The following CHODL variants were observed in gnomAD, a reference collection of about 807,000 sequenced individuals.
CHODL encodes the protein chondrolectin, also known as transmembrane protein MT75.
Under a neutral mutation model 34.5 loss-of-function variants are expected in CHODL, and 29 were observed. The ratio of observed to expected loss-of-function variants is 0.84; its 90% CI spans 0.63 to 1.15. The LOEUF (loss-of-function observed/expected upper bound fraction) is 1.15, where lower values mean the gene tolerates loss of function less well. CHODL is among the 50% of genes most tolerant of loss of function. The pLI, the probability that CHODL is intolerant of heterozygous loss-of-function variation, is 0.00. For missense variants in CHODL, 332 were observed against 332.5 expected, an observed-to-expected ratio of 1.00 and a Z score of 0.01; for synonymous variants, 125 against 116.1, an observed-to-expected ratio of 1.08 and a Z score of -0.49.
intron 2 of CHODL, among the ~76,000 whole-genome samples, chr21:18,051,181 T>G (rs2064510899): frequency 6.6e-6 from 1 of 151,948 alleles, no homozygotes; most frequent in Admixed American, 6.6e-5. Context: ...ATGGCGGTGT[T>G]GGGTTTTCTG....
intron 1 of CHODL, among the ~76,000 whole-genome samples, chr21:17,948,345 AAG>A (rs2063429216): frequency 6.6e-6 from 1 of 151,996 alleles, no homozygotes; most frequent in African/African-American, 2.4e-5. Flanking sequence ...TAAAAGAAGA[AAG>A]ATCTTAAATA....
At chr21:18,162,749 G>A (rs1446906788) in intron 2 of CHODL, among the ~76,000 whole-genome samples, 3 of 151,988 alleles carry the variant, frequency 2.0e-5, no homozygotes, top group African/African-American at 7.2e-5. Flanking sequence ...TCTTTGATTT[G>A]CTATTACATT....
At chr21:18,193,759 A>T (rs1055843148) in intron 2 of CHODL, among the ~76,000 whole-genome samples, 1 of 151,284 alleles carries the variant, frequency 6.6e-6, no homozygotes, top group Non-Finnish European at 1.5e-5. Flanking sequence ...AATAAACTTA[A>T]AAAAAAGTCC....
intron 2 of CHODL, chr21:18,099,873 A>G (rs2065190779): frequency 6.6e-6 from 1 of 152,152 alleles, no homozygotes; most frequent in Non-Finnish European, 1.5e-5. Flanking sequence ...TCTGAAGAAC[A>G]ATGACATGAA....
chr21:18,107,808 G>T (rs1263699948), intron 2 of CHODL, among the ~76,000 whole-genome samples: 1 of 152,146 alleles, frequency 6.6e-6, no homozygotes, highest in Non-Finnish European at 1.5e-5. Flanking sequence ...ATTAAAGGAA[G>T]AATTTTTTTA....
intron 2 of CHODL, among the ~76,000 whole-genome samples, chr21:18,226,855 T>C (rs1215198140): frequency 6.6e-6 from 1 of 152,156 alleles, no homozygotes; most frequent in Non-Finnish European, 1.5e-5. Flanking sequence ...AGAAAAAGCT[T>C]ACATTTTCTG....
At chr21:18,180,456 C>T (rs1237994648) in intron 2 of CHODL, among the ~76,000 whole-genome samples, 1 of 152,202 alleles carries the variant, frequency 6.6e-6, no homozygotes, top group East Asian at 1.9e-4. Flanking sequence ...TTATTGGTAA[C>T]ATCTTAAGAC....
At chr21:18,065,251 A>T (rs1463663312) in intron 2 of CHODL, among the ~76,000 whole-genome samples, 1 of 152,236 alleles carries the variant, frequency 6.6e-6, no homozygotes, top group Non-Finnish European at 1.5e-5. Context: ...CCTGCATTGG[A>T]ATAGGCATTA....
chr21:18,026,521 A>C (rs2064177344), intron 1 of CHODL, among the ~76,000 whole-genome samples: 1 of 152,148 alleles, frequency 6.6e-6, no homozygotes. Flanking sequence ...TCACTCCTGC[A>C]CTGTTAGCCT....
intron 2 of CHODL, among the ~76,000 whole-genome samples, chr21:18,040,728 C>T (rs570004155): frequency 6.6e-6 from 1 of 151,826 alleles, no homozygotes; most frequent in African/African-American, 2.4e-5. Context: ...TAATTGGGAC[C>T]ATTTTATTTT....
chr21:18,178,037 G>A (rs1053112615), intron 2 of CHODL, among the ~76,000 whole-genome samples: 2 of 152,016 alleles, frequency 1.3e-5, no homozygotes, highest in Non-Finnish European at 1.5e-5. Flanking sequence ...TGAGAAATTC[G>A]CTTGGGATAA....
At chr21:18,157,930 AAAAT>A (rs574615287) in intron 2 of CHODL, among the ~76,000 whole-genome samples, 15 of 152,250 alleles carry the variant, frequency 9.9e-5, no homozygotes, top group East Asian at 3.9e-4. Context: ...TAAAAAACTG[AAAAT>A]AAATCTATTC....
chr21:17,995,207 C>G (rs990658629), intron 1 of CHODL, among the ~76,000 whole-genome samples: 1 of 152,066 alleles, frequency 6.6e-6, no homozygotes, highest in African/African-American at 2.4e-5. Context: ...AAAATGGTGC[C>G]GTGCTGTAGC....
At chr21:17,975,970 A>G (rs2063658531) in intron 1 of CHODL, among the ~76,000 whole-genome samples, 1 of 152,212 alleles carries the variant, frequency 6.6e-6, no homozygotes, top group Admixed American at 6.6e-5. Context: ...AATTTAATAT[A>G]AAGAGTTATA....
chr21:18,190,690 C>T (rs951201766), intron 2 of CHODL, among the ~76,000 whole-genome samples: 1 of 152,098 alleles, frequency 6.6e-6, no homozygotes, highest in African/African-American at 2.4e-5. Context: ...CATTTCCTCT[C>T]TGCAGTGGTT....
intron 2 of CHODL, among the ~76,000 whole-genome samples, chr21:18,042,613 T>G (rs2064389834): frequency 1.3e-5 from 2 of 151,966 alleles, no homozygotes; most frequent in South Asian, 4.2e-4. Flanking sequence ...TCTCCTTTAT[T>G]CTATATATCC....
intron 2 of CHODL, among the ~76,000 whole-genome samples, chr21:18,194,469 C>T (rs571791983): frequency 4.6e-5 from 7 of 152,096 alleles, no homozygotes; most frequent in Admixed American, 6.5e-5. Flanking sequence ...CGAGATGTCT[C>T]GCTCCTGATT....
intron 1 of CHODL, among the ~76,000 whole-genome samples, chr21:17,982,084 T>G (rs947032464): frequency 1.3e-5 from 2 of 152,236 alleles, no homozygotes; most frequent in Admixed American, 1.3e-4. Flanking sequence ...GACTTTCCAG[T>G]AATTCTACAT....
upstream of CHODL, among the ~76,000 whole-genome samples, chr21:18,243,456 C>A (rs1204220373): frequency 1.3e-5 from 2 of 152,084 alleles, no homozygotes; most frequent in Admixed American, 6.5e-5. Flanking sequence ...TATTAACTGC[C>A]CATGATTCTG....
Sources: gnomAD v4.1 joint callset for allele counts (sites outside exome capture counted in the v4.1 genomes callset) on GRCh38, gnomAD v4.1.1 for gene constraint, MANE v1.5 for transcripts, NCBI Gene and HGNC (gene_info 2026-07-23, HGNC 2026-07-21) for gene names.